The following EEIG2 variants were observed in gnomAD, a reference collection of about 807,000 sequenced individuals.
EEIG2 encodes the protein family with sequence similarity 102 member B.
At chr1:108,616,124 CTTTTT>C in the EEIG2 span, among the ~76,000 whole-genome samples, 1 of 129,774 alleles carries the variant, frequency 7.7e-6, no homozygotes, top group African/African-American at 2.8e-5. Flanking sequence ...CCCACTTCTT[CTTTTT>C]TTTTTTTTTT....
At chr1:108,613,925 C>G in the EEIG2 span, among the ~76,000 whole-genome samples, 1 of 152,026 alleles carries the variant, frequency 6.6e-6, no homozygotes, top group Non-Finnish European at 1.5e-5. Context: ...ATCTCAGTTC[C>G]TACTCCCATG....
chr1:108,590,697 C>T, the EEIG2 span, among the ~76,000 whole-genome samples: 1 of 152,132 alleles, frequency 6.6e-6, no homozygotes, highest in African/African-American at 2.4e-5. Context: ...CTCTTAACCT[C>T]TATGCAATAC....
the EEIG2 span, among the ~76,000 whole-genome samples, chr1:108,617,862 G>A: frequency 6.6e-6 from 1 of 152,194 alleles, no homozygotes; most frequent in Non-Finnish European, 1.5e-5. Context: ...GTGGGTCTCA[G>A]AAAATGAGGA....
the EEIG2 span, chr1:108,612,230 C>G: frequency 1.2e-6 from 2 of 1,613,758 alleles, no homozygotes; most frequent in Non-Finnish European, 1.7e-6. Context: ...GGAAATACCA[C>G]TCGCCGCTGT....
the EEIG2 span, among the ~76,000 whole-genome samples, chr1:108,603,722 A>G: frequency 2.0e-5 from 3 of 152,240 alleles, no homozygotes; most frequent in Non-Finnish European, 4.4e-5. Flanking sequence ...TTTTACAATA[A>G]CTATAATTAG....
chr1:108,597,525 A>G, the EEIG2 span, among the ~76,000 whole-genome samples: 1 of 152,130 alleles, frequency 6.6e-6, no homozygotes, highest in Non-Finnish European at 1.5e-5. Flanking sequence ...TATTTCCAAA[A>G]CAGTTTTTGA....
the EEIG2 span, chr1:108,631,263 C>A: frequency 4.6e-6 from 1 of 217,054 alleles, no homozygotes; most frequent in Non-Finnish European, 9.8e-6. Flanking sequence ...AGCCCATAGG[C>A]CAAATTGGCC....
At chr1:108,628,945 A>G in the EEIG2 span, 7 of 683,016 alleles carry the variant, frequency 1.0e-5, no homozygotes, top group East Asian at 8.7e-5. Context: ...AAAAATATCA[A>G]GATAACTTTA....
At chr1:108,589,299 C>T in the EEIG2 span, among the ~76,000 whole-genome samples, 407 of 152,238 alleles carry the variant, frequency 2.7e-3, 5 homozygotes, top group Non-Finnish European at 5.0e-3. Context: ...TCTCTTCTTA[C>T]ATGTTAAAAT....
At chr1:108,639,071 G>C in the EEIG2 span, 1 of 152,150 alleles carries the variant, frequency 6.6e-6, no homozygotes, top group Non-Finnish European at 1.5e-5. Flanking sequence ...TGATTTTTTG[G>C]AAGGTGATAC....
At chr1:108,568,679 A>G in the EEIG2 span, among the ~76,000 whole-genome samples, 4 of 152,332 alleles carry the variant, frequency 2.6e-5, no homozygotes, top group East Asian at 3.9e-4. Context: ...ATGAAGTCCA[A>G]CCTAGTGTGG....
chr1:108,591,467 A>T, the EEIG2 span, among the ~76,000 whole-genome samples: 1 of 152,178 alleles, frequency 6.6e-6, no homozygotes, highest in South Asian at 2.1e-4. Flanking sequence ...AGTTCCTATT[A>T]AGAAAGGGCA....
the EEIG2 span, among the ~76,000 whole-genome samples, chr1:108,571,261 C>T: frequency 3.2e-4 from 48 of 152,180 alleles, no homozygotes; most frequent in Non-Finnish European, 3.1e-4. Flanking sequence ...ATGAGAGTGC[C>T]GGCACTGCCT....
At chr1:108,587,674 TA>T in the EEIG2 span, among the ~76,000 whole-genome samples, 1 of 152,190 alleles carries the variant, frequency 6.6e-6, no homozygotes, top group African/African-American at 2.4e-5. Context: ...TAATTTCCTA[TA>T]TCCTTGCAGG....
chr1:108,613,281 G>T, the EEIG2 span, among the ~76,000 whole-genome samples: 2 of 152,208 alleles, frequency 1.3e-5, no homozygotes, highest in South Asian at 4.1e-4. Flanking sequence ...ATATCTCCAT[G>T]AGATGAACAG....
the EEIG2 span, among the ~76,000 whole-genome samples, chr1:108,623,985 GAA>G: frequency 6.8e-6 from 1 of 147,102 alleles, no homozygotes; most frequent in African/African-American, 2.5e-5. Flanking sequence ...AATTTTTAAA[GAA>G]AAAAAAAACT....
the EEIG2 span, among the ~76,000 whole-genome samples, chr1:108,606,943 G>A: frequency 0.96 from 146,676 of 152,282 alleles, 70,853 homozygotes; most frequent in Non-Finnish European, 1. Flanking sequence ...GATTACAGGC[G>A]TTAACCACCA....
chr1:108,600,050 T>C, the EEIG2 span, among the ~76,000 whole-genome samples: 4 of 152,210 alleles, frequency 2.6e-5, no homozygotes, highest in Non-Finnish European at 4.4e-5. Context: ...TTGGGAGATT[T>C]CATAGCATAT....
chr1:108,579,664 A>AT, the EEIG2 span, among the ~76,000 whole-genome samples: 2 of 150,624 alleles, frequency 1.3e-5, no homozygotes, highest in Non-Finnish European at 3.0e-5. Flanking sequence ...ACCACACTGC[A>AT]TTTTTTTTAA....
Sources: allele counts gnomAD v4.1 joint callset (sites outside exome capture counted in the v4.1 genomes callset), GRCh38; gene constraint gnomAD v4.1.1; transcripts MANE v1.5; gene names NCBI Gene and HGNC (gene_info 2026-07-23, HGNC 2026-07-21).